The following DYNC2H1 variants were observed in gnomAD, a reference collection of about 807,000 sequenced individuals.
DYNC2H1 encodes dynein cytoplasmic 2 heavy chain 1, also known as cytoplasmic dynein 2 heavy chain 1.
Under a neutral mutation model 570.0 loss-of-function variants are expected in DYNC2H1, and 410 were observed. The ratio of observed to expected loss-of-function variants is 0.72; its 90% confidence interval spans 0.66 to 0.78. DYNC2H1 has a LOEUF of 0.78. DYNC2H1 is among the 30% of genes least tolerant of loss of function. The pLI is 0.00. For missense variants in DYNC2H1, 4,865 were observed against 5,046.4 expected, an observed-to-expected ratio of 0.96 and a Z score of 1.09; for synonymous variants, 1,688 against 1,677.6, an observed-to-expected ratio of 1.01 and a Z score of -0.15.
rs1179212280 is a variant in DYNC2H1, at chr11:103,168,785, C to A, written c.4793C>A (p.Ala1598Asp). 4 of 1,612,994 alleles carry A rather than the reference C, an allele frequency of 2.5e-6. No individual in the cohort carries two copies. The highest frequency in any genetic ancestry group is 1.7e-5 in the Admixed American group (1 of 59,978). The change falls in exon 32 of 89, where the codon GCC becomes GAC. Residue 1598 changes from alanine to aspartate, a missense_variant. Physicochemically the swap from Ala to Asp is moderately radical, Grantham distance 126. Transcript: ENST00000375735. ...GGCATCCTGGAGCTTAAACTTAAAG[C>A]CCTAATTCTTGACATTATCCATAAT... is the stretch of plus-strand genomic sequence containing the variant. ...ESGILELKLKALILDIIHNID... is the reference protein window; with the variant it reads ...ESGILELKLKDLILDIIHNID...
At chr11:103,403,462 A>T (rs913039624) in intron 84 of DYNC2H1, 1 of 152,060 alleles carries the variant, frequency 6.6e-6, no homozygotes, top group Non-Finnish European at 1.5e-5. Context: ...CTTTAACTTA[A>T]AAGGTTAAAG....
Position 103,199,597 on chromosome 11 carries a change from T to G in DYNC2H1, c.8088+121T>G. On this transcript the variant is annotated intron_variant, in intron 49 of 88. Coordinates refer to ENST00000375735, the MANE Select transcript of DYNC2H1 (RefSeq NM_001377.3). The surrounding 1 kb of genome is among the most constrained non-coding windows in gnomAD (Gnocchi z 4.6). ...GTTTTAAAGAACATCTTTAAAGAACTAAAGTTCTCTGTTATACAATGTAGT... is the reference window on the plus strand; with the variant it reads ...GTTTTAAAGAACATCTTTAAAGAACGAAAGTTCTCTGTTATACAATGTAGT... 1.1e-6 allele frequency: 1 copy of G among 949,158 alleles called. No homozygotes were observed. The highest frequency in any genetic ancestry group is 1.4e-6 in the Non-Finnish European group (1 of 693,328). The allele number at this position is 949,158 out of a possible 1,614,324, so 58.8% of individuals were successfully genotyped here. A position where few individuals can be genotyped will look rare whatever the true frequency, so the allele number is the denominator to read the frequency against.
intron 82 of DYNC2H1, among the ~76,000 whole-genome samples, chr11:103,330,709 A>G (rs988870028): frequency 6.6e-6 from 1 of 151,796 alleles, no homozygotes; most frequent in Non-Finnish European, 1.5e-5. Flanking sequence ...CTTTATGACA[A>G]CGCTATTCTC....
Position 103,156,522 on chromosome 11 carries a change from A to G in DYNC2H1, c.3879A>G (p.Lys1293=). The change falls in exon 26 of 89, where the codon AAA becomes AAG. Residue 1293 remains lysine, a synonymous_variant. Coordinates refer to ENST00000375735, the MANE Select transcript of DYNC2H1 (RefSeq NM_001377.3). The part of the protein sequence containing the change: ...DSQSRTMKLI[K]DWKDIVNQVG... ...AAAGTCGAACTATGAAGCTGATTAA[A>G]GACTGGAAAGATATAGTAAATCAGG... The G allele has an allele frequency of 6.2e-7, 1 of 1,613,824 alleles. No individual in the cohort carries two copies. The highest frequency in any genetic ancestry group is 8.5e-7 in the Non-Finnish European group (1 of 1,179,756).
rs1239435282 is a variant in DYNC2H1 at position 103,171,083 on chromosome 11, G to A, written c.5334+15G>A. On this transcript the variant is annotated intron_variant, in intron 34 of 88. Coordinates refer to ENST00000375735, the MANE Select transcript of DYNC2H1 (RefSeq NM_001377.3). ...TTGGCAAGGAGGTATAGAATATGTTGGGAATTTAAAGAATTAAAATATTTT... is the reference window on the plus strand; with the variant it reads ...TTGGCAAGGAGGTATAGAATATGTTAGGAATTTAAAGAATTAAAATATTTT... 2 of 1,537,518 alleles carry A rather than the reference G, an allele frequency of 1.3e-6. No homozygotes were observed. The highest frequency in any genetic ancestry group is 1.8e-6 in the Non-Finnish European group (2 of 1,134,080).
intron 83 of DYNC2H1, among the ~76,000 whole-genome samples, chr11:103,362,675 G>C (rs769037450): frequency 2.6e-5 from 4 of 152,026 alleles, no homozygotes; most frequent in African/African-American, 9.7e-5. Context: ...CAAATAGAGC[G>C]CTACAAAGTT....
chr11:103,258,400 G>A (rs1471205622), intron 69 of DYNC2H1, among the ~76,000 whole-genome samples: 11 of 152,122 alleles, frequency 7.2e-5, no homozygotes, highest in Admixed American at 3.9e-4. Flanking sequence ...GTATTAATCC[G>A]AAACTTGGCC....
intron 84 of DYNC2H1, among the ~76,000 whole-genome samples, chr11:103,410,138 G>A (rs1296284532): frequency 6.6e-6 from 1 of 152,042 alleles, no homozygotes; most frequent in Non-Finnish European, 1.5e-5. Context: ...TGCTTACCAT[G>A]TTACAACTTA....
intron 70 of DYNC2H1, among the ~76,000 whole-genome samples, chr11:103,265,704 A>C (rs1299992757): frequency 6.6e-6 from 1 of 152,092 alleles, no homozygotes; most frequent in Admixed American, 6.6e-5. Context: ...TGCTTGCTGG[A>C]AAGGTGATGA....
chr11:103,155,417 TA>T lies in DYNC2H1; in HGVS notation c.3661del (p.Arg1221GlyfsTer5), dbSNP rs1565349668. On this transcript the variant is annotated frameshift_variant, in exon 25 of 89. Coordinates refer to ENST00000375735, the MANE Select transcript of DYNC2H1 (RefSeq NM_001377.3). LOFTEE classifies it high-confidence loss of function. ...ACCTTTTTCGTCTCCTTGGACTTCC[TA>T]GGGGGACTAGTCTAGAGAAACTACT... is the stretch of plus-strand genomic sequence containing the variant. ...LDLFRLLGLP[R>X]GTSLEKLLFG... The T allele has an allele frequency of 6.2e-7, 1 of 1,612,424 alleles. No homozygotes were observed. The highest frequency in any genetic ancestry group is 1.1e-5 in the South Asian group (1 of 90,916).
chr11:103,392,357 A>G (rs759879353), intron 83 of DYNC2H1, among the ~76,000 whole-genome samples: 14 of 152,168 alleles, frequency 9.2e-5, no homozygotes, highest in Non-Finnish European at 2.1e-4. Context: ...AAAGCACAGT[A>G]TTAGGTTGGG....
chr11:103,437,981 A>G (rs899888854), intron 85 of DYNC2H1, among the ~76,000 whole-genome samples: 9 of 152,080 alleles, frequency 5.9e-5, no homozygotes, highest in African/African-American at 1.4e-4. Flanking sequence ...ATAAAAACTG[A>G]TGAAAAACTG....
At chr11:103,400,213 C>T (rs1942581719) in intron 84 of DYNC2H1, among the ~76,000 whole-genome samples, 1 of 152,142 alleles carries the variant, frequency 6.6e-6, no homozygotes, top group Non-Finnish European at 1.5e-5. Context: ...ACAGAAAGAA[C>T]ACGTGTTTTC....
intron 82 of DYNC2H1, among the ~76,000 whole-genome samples, chr11:103,348,591 A>T (rs1012775139): frequency 6.6e-6 from 1 of 152,196 alleles, no homozygotes; most frequent in African/African-American, 2.4e-5. Flanking sequence ...CACTCAGTGT[A>T]ATTATCATAA....
In DYNC2H1 at chr11:103,252,114, T is replaced by C. The variant is rs72971582; in HGVS notation, c.10043-1171T>C. On this transcript the variant is annotated intron_variant, in intron 65 of 88. Coordinates refer to ENST00000375735, the MANE Select transcript of DYNC2H1 (RefSeq NM_001377.3). This position sits in a 1 kb window ranked among gnomAD's most constrained non-coding sequence, Gnocchi z 4.6. Reference sequence around the variant, plus strand: ...TAATTAAAAACATTTTTTTTTTTTTTTGCAAAGACGAGGTCTCAGTATGTT... The same window carrying C: ...TAATTAAAAACATTTTTTTTTTTTTCTGCAAAGACGAGGTCTCAGTATGTT... Among the ~76,000 whole-genome samples, 1 of 147,642 alleles carries C rather than the reference T, an allele frequency of 6.8e-6. No homozygotes were observed. Among genetic ancestry groups the C allele is most frequent in the Non-Finnish European group, 1.5e-5 (1 of 66,934 alleles).
At chr11:103,231,906 C>T (rs1016668465) in intron 60 of DYNC2H1, among the ~76,000 whole-genome samples, 17 of 151,808 alleles carry the variant, frequency 1.1e-4, no homozygotes, top group Admixed American at 1.1e-3. Flanking sequence ...TTCAGTTTCT[C>T]TTTCTGTCTC....
At chr11:103,427,605 C>A (rs545293690) in intron 84 of DYNC2H1, among the ~76,000 whole-genome samples, 1 of 152,210 alleles carries the variant, frequency 6.6e-6, no homozygotes, top group Admixed American at 6.5e-5. Flanking sequence ...AAAGGGCTGG[C>A]AGATCTGGTG....
At chr11:103,309,474 G>A (rs567123968) in intron 78 of DYNC2H1, among the ~76,000 whole-genome samples, 20 of 150,758 alleles carry the variant, frequency 1.3e-4, no homozygotes, top group Admixed American at 6.6e-4. Flanking sequence ...GGGATTACAG[G>A]CATGAGCCAT....
rs574735946 is a variant in DYNC2H1 at position 103,292,144 on chromosome 11, T to G, written c.11095+4539T>G. Among the ~76,000 whole-genome samples the G allele has an allele frequency of 1.2e-3, 171 of 147,880 alleles. 1 individual carries two copies. The highest frequency in any genetic ancestry group is 3.7e-3 in the African/African-American group (147 of 39,836). Reference sequence around the variant, plus strand: ...TTTTGTTTTCTGGTTGTTTTGTTAGTGTCTTCTTCTTCTCTTTTTTTTTTT... The same window carrying G: ...TTTTGTTTTCTGGTTGTTTTGTTAGGGTCTTCTTCTTCTCTTTTTTTTTTT... On this transcript the variant is annotated intron_variant, in intron 75 of 88. Transcript: ENST00000375735.
Sources: allele counts gnomAD v4.1 joint callset (sites outside exome capture counted in the v4.1 genomes callset), GRCh38; gene constraint gnomAD v4.1.1; non-coding constraint Gnocchi (gnomAD v3.1); transcripts MANE v1.5; gene names NCBI Gene and HGNC (gene_info 2026-07-23, HGNC 2026-07-21).